CACNA1C: variants seen among roughly 807,000 people sequenced by gnomAD.
The protein encoded by CACNA1C is voltage-dependent L-type calcium channel subunit alpha-1C.
Under a neutral mutation model 229.0 loss-of-function variants are expected in CACNA1C, and 30 were observed. The ratio of observed to expected loss-of-function variants is 0.13; its 90% CI spans 0.10 to 0.18. The LOEUF (loss-of-function observed/expected upper bound fraction) is 0.18, where lower values mean the gene tolerates loss of function less well. Among genes scored for constraint, CACNA1C ranks in the 10% least tolerant of loss-of-function variants. The pLI, the probability that CACNA1C is intolerant of heterozygous loss-of-function variation, is 1.00. For missense variants in CACNA1C, 1,658 were observed against 2,845.0 expected, an observed-to-expected ratio of 0.58 and a Z score of 9.49; for synonymous variants, 1,114 against 1,132.5, an observed-to-expected ratio of 0.98 and a Z score of 0.33.
chr12:2,567,556 C>T lies in CACNA1C; in HGVS notation c.1670-13C>T, dbSNP rs1244085324. On this transcript the variant is annotated splice_polypyrimidine_tract_variant and intron_variant, in intron 12 of 46. Transcript: ENST00000399655. ...GCCCTGCTCGGATCTCATCCCTCTCCTGGGCCTGCCAGACACGGCAAACAA... is the reference window on the plus strand; with the variant it reads ...GCCCTGCTCGGATCTCATCCCTCTCTTGGGCCTGCCAGACACGGCAAACAA... 2 of 1,556,440 alleles carry T rather than the reference C, an allele frequency of 1.3e-6. No individual in the cohort carries two copies. Among genetic ancestry groups the T allele is most frequent in the African/African-American group, 2.7e-5 (2 of 73,748 alleles).
chr12:2,697,173 A>T lies in CACNA1C; in HGVS notation c.*5974A>T, dbSNP rs920076143. ...ATGCATCCAGCTGCAGCCCATACCC[A>T]CACCTGAAATCCATCTCTTGAATCC... is the stretch of plus-strand genomic sequence containing the variant. On this transcript the variant is annotated 3_prime_UTR_variant, in exon 47 of 47. Transcript: ENST00000399655. 2 of 152,500 alleles carry T rather than the reference A, an allele frequency of 1.3e-5. No individual in the cohort carries two copies. The highest frequency in any genetic ancestry group is 2.4e-5 in the African/African-American group (1 of 41,346). The allele number at this position is 152,500 out of a possible 1,614,324, so 9.4% of individuals were successfully genotyped here. A position where few individuals can be genotyped will look rare whatever the true frequency, so the allele number is the denominator to read the frequency against.
intron 3 of CACNA1C, among the ~76,000 whole-genome samples, chr12:2,404,727 A>G (rs10774041): frequency 0.78 from 118,843 of 151,868 alleles, 46,927 homozygotes; most frequent in Non-Finnish European, 0.84. Context: ...TCTGGGGGTC[A>G]CTTGTTCACA....
chr12:2,629,603 G>T (rs2089353170), intron 29 of CACNA1C, among the ~76,000 whole-genome samples: 1 of 152,178 alleles, frequency 6.6e-6, no homozygotes, highest in Non-Finnish European at 1.5e-5. Context: ...TAAGTTATTT[G>T]TTCAAGGCTA....
At position 2,285,898 on chromosome 12, in the gene CACNA1C, C is replaced by T. The variant is rs762731913; in HGVS notation, c.478-163078C>T. On this transcript the variant is annotated intron_variant, in intron 3 of 46. Transcript: ENST00000399655. The surrounding 1 kb of genome is among the most constrained non-coding windows in gnomAD (Gnocchi z 4.2). The stretch of plus-strand genomic sequence containing the variant: ...CCGTTTTCCACTGAAGATAGGGATT[C>T]TTCAAACTGCACAGCTTTTCAGGCC... 3.3e-5 allele frequency among the ~76,000 whole-genome samples: 5 copies of T among 152,192 alleles called. No homozygotes were observed. Among genetic ancestry groups the T allele is most frequent in the Admixed American group, 6.5e-5 (1 of 15,282 alleles).
intron 3 of CACNA1C, among the ~76,000 whole-genome samples, chr12:2,245,328 A>G (rs555725972): frequency 3.3e-5 from 5 of 152,282 alleles, no homozygotes; most frequent in African/African-American, 1.2e-4. Flanking sequence ...CCTTCAGCAC[A>G]TGCATGCTTG....
At chr12:2,279,056 A>G (rs1045720316) in intron 3 of CACNA1C, among the ~76,000 whole-genome samples, 1 of 152,134 alleles carries the variant, frequency 6.6e-6, no homozygotes, top group Non-Finnish European at 1.5e-5. Flanking sequence ...ATCTGTTCAT[A>G]TATTTTGCAT....
At chr12:2,089,524 A>G (rs1272645876) in intron 1 of CACNA1C, among the ~76,000 whole-genome samples, 3 of 152,220 alleles carry the variant, frequency 2.0e-5, no homozygotes, top group African/African-American at 7.2e-5. Context: ...GAACATGGCA[A>G]CAGAGCGTGG....
chr12:2,310,672 T>C (rs563476856), intron 3 of CACNA1C, among the ~76,000 whole-genome samples: 5 of 152,282 alleles, frequency 3.3e-5, no homozygotes, highest in African/African-American at 1.2e-4. Context: ...GGCAGGGGGA[T>C]GGACTAGAGG....
intron 9 of CACNA1C, among the ~76,000 whole-genome samples, chr12:2,523,794 A>G (rs1006888474): frequency 2.0e-5 from 3 of 152,198 alleles, no homozygotes; most frequent in Non-Finnish European, 2.9e-5. Flanking sequence ...GGAAGGGGAG[A>G]TGAATCATCC....
At chr12:2,400,511 AACTTG>A (rs1257092604) in intron 3 of CACNA1C, among the ~76,000 whole-genome samples, 1 of 152,182 alleles carries the variant, frequency 6.6e-6, no homozygotes, top group Non-Finnish European at 1.5e-5. Flanking sequence ...TGTACGAGCA[AACTTG>A]ACTTTGCTGA....
intron 3 of CACNA1C, among the ~76,000 whole-genome samples, chr12:2,192,118 T>C (rs2097257220): frequency 1.3e-5 from 2 of 151,710 alleles, no homozygotes; most frequent in South Asian, 4.2e-4. Context: ...ACACACCCCC[T>C]CCCTCCCTCT....
At chr12:2,276,003 A>G (rs946106738) in intron 3 of CACNA1C, among the ~76,000 whole-genome samples, 2 of 152,192 alleles carry the variant, frequency 1.3e-5, no homozygotes, top group African/African-American at 4.8e-5. Context: ...TATGTAGATT[A>G]TATGCACATA....
chr12:2,390,366 G>A (rs1427516886), intron 3 of CACNA1C, among the ~76,000 whole-genome samples: 1 of 152,178 alleles, frequency 6.6e-6, no homozygotes, highest in Non-Finnish European at 1.5e-5. Context: ...GACAGAACCC[G>A]AGAGACTCTT....
In CACNA1C at chr12:2,417,148, G is replaced by A. The variant is rs959368326; in HGVS notation, c.478-31828G>A. Among the ~76,000 whole-genome samples the A allele has an allele frequency of 2.0e-5, 3 of 152,344 alleles. No individual in the cohort carries two copies. In the East Asian group the frequency reaches 5.8e-4, roughly 29 times the overall value. On this transcript the variant is annotated intron_variant, in intron 3 of 46. Coordinates refer to ENST00000399655, the MANE Select transcript of CACNA1C (RefSeq NM_000719.7). ...TGGTCCAATGGTGAAATCAGACCTA[G>A]CTCATGTCATGCTGATGTAGAAGGC...
chr12:2,417,040 C>T (rs1010332238), intron 3 of CACNA1C, among the ~76,000 whole-genome samples: 1 of 152,252 alleles, frequency 6.6e-6, no homozygotes, highest in Admixed American at 6.5e-5. Flanking sequence ...CTCTCTTAAA[C>T]ATGCTTGCAG....
rs2097793907 is a variant in CACNA1C, at chr12:2,691,930, C to T, written c.*731C>T. On this transcript the variant is annotated 3_prime_UTR_variant, in exon 47 of 47. Transcript: ENST00000399655. ...TTTTGTGGTTTGACACTTTTCTTGA[C>T]AGCATGTTGCAGTTTCTTTTCGGTT... 6.6e-6 allele frequency: 1 copy of T among 152,242 alleles called. No individual in the cohort carries two copies. Among genetic ancestry groups the T allele is most frequent in the South Asian group, 2.1e-4 (1 of 4,834 alleles). The allele number at this position is 152,242 out of a possible 1,614,324, so 9.4% of individuals were successfully genotyped here.
intron 3 of CACNA1C, among the ~76,000 whole-genome samples, chr12:2,192,861 G>T (rs188096526): frequency 6.6e-6 from 1 of 152,318 alleles, no homozygotes; most frequent in African/African-American, 2.4e-5. Context: ...GGTGCGCTGA[G>T]CCAGAGTTTC....
chr12:2,506,598 A>G (rs1344612269), intron 8 of CACNA1C, among the ~76,000 whole-genome samples: 1 of 152,244 alleles, frequency 6.6e-6, no homozygotes, highest in East Asian at 1.9e-4. Flanking sequence ...AACTAGAAGT[A>G]TAGAATCATC....
intron 29 of CACNA1C, among the ~76,000 whole-genome samples, chr12:2,621,673 G>T (rs917851465): frequency 6.6e-6 from 1 of 152,216 alleles, no homozygotes; most frequent in African/African-American, 2.4e-5. Context: ...GATGGAGCGA[G>T]GGGGGCAGAG....
Sources: allele counts gnomAD v4.1 joint callset (sites outside exome capture counted in the v4.1 genomes callset), GRCh38; gene constraint gnomAD v4.1.1; non-coding constraint Gnocchi (gnomAD v3.1); transcripts MANE v1.5; gene names NCBI Gene and HGNC (gene_info 2026-07-23, HGNC 2026-07-21).